STPG2: variants seen among roughly 807,000 people sequenced by gnomAD.
STPG2 encodes the protein sperm-tail PG-rich repeat-containing protein 2.
A neutral mutation model predicts 54.2 loss-of-function variants in STPG2; 56 were observed. The observed-to-expected ratio is 1.03, with a 90% CI of 0.83 to 1.29. The LOEUF (loss-of-function observed/expected upper bound fraction) is 1.29. STPG2 is among the 50% of genes most tolerant of loss of function. STPG2 has a pLI of 0.00. For missense variants in STPG2, 596 were observed against 544.9 expected (o/e 1.09, Z -0.93); for synonymous variants, 200 against 181.8 (o/e 1.10, Z -0.81).
chr4:97,786,859 C>T (rs987792727), intron 9 of STPG2, among the ~76,000 whole-genome samples: 1 of 152,038 alleles, frequency 6.6e-6, no homozygotes, highest in African/African-American at 2.4e-5. Context: ...CATTGCTCTA[C>T]TTTATTATTA....
At chr4:98,065,913 G>C (rs1737819616) in intron 5 of STPG2, among the ~76,000 whole-genome samples, 1 of 152,018 alleles carries the variant, frequency 6.6e-6, no homozygotes, top group African/African-American at 2.4e-5. Context: ...CACCTACCTA[G>C]AGAAGTATAT....
chr4:97,840,284 G>C (rs1020836092), intron 9 of STPG2, among the ~76,000 whole-genome samples: 1 of 151,320 alleles, frequency 6.6e-6, no homozygotes, highest in Non-Finnish European at 1.5e-5. Context: ...AGCATGTTAT[G>C]AGTTCTGTTT....
Position 98,143,117 on chromosome 4 carries a change from C to G in STPG2, c.34G>C (p.Ala12Pro). 1 of 1,613,898 alleles carries G rather than the reference C, an allele frequency of 6.2e-7. No individual in the cohort carries two copies. Among genetic ancestry groups the G allele is most frequent in the Non-Finnish European group, 8.5e-7 (1 of 1,179,922 alleles). Residue 12 changes from alanine to proline, a missense_variant, in exon 1 of 11, where the codon GCT becomes CCT. Coordinates refer to ENST00000295268, the MANE Select transcript of STPG2 (RefSeq NM_174952.3). ...YDRAPRLLKLAEGGSTEAHVG... is the reference protein window; with the variant it reads ...YDRAPRLLKLPEGGSTEAHVG... The stretch of plus-strand genomic sequence containing the variant: ...TGGGCCTCAGTGCTGCCACCTTCAG[C>G]CAATTTGAGCAGGCGGGGAGCCCGA...
chr4:97,680,573 A>G (rs1267118237), intron 10 of STPG2, among the ~76,000 whole-genome samples: 1 of 152,110 alleles, frequency 6.6e-6, no homozygotes, highest in Non-Finnish European at 1.5e-5. Flanking sequence ...TGTCATCTGC[A>G]AACAGGGACA....
At chr4:97,777,054 C>T (rs1482311913) in intron 9 of STPG2, among the ~76,000 whole-genome samples, 2 of 152,090 alleles carry the variant, frequency 1.3e-5, no homozygotes, top group Non-Finnish European at 2.9e-5. Flanking sequence ...CTATTAAGTA[C>T]TATACAAATA....
At chr4:97,945,133 C>A (rs191164266) in intron 7 of STPG2, among the ~76,000 whole-genome samples, 6 of 152,086 alleles carry the variant, frequency 3.9e-5, no homozygotes, top group Admixed American at 3.9e-4. Context: ...GTGGTGAATT[C>A]TTAGATTTTA....
chr4:98,125,654 C>A (rs1385693299), intron 3 of STPG2, among the ~76,000 whole-genome samples: 1 of 152,226 alleles, frequency 6.6e-6, no homozygotes, highest in Admixed American at 6.5e-5. Flanking sequence ...GGAACAAGAT[C>A]AGGGACCTGC....
chr4:97,867,776 G>T (rs1158809940), intron 8 of STPG2, among the ~76,000 whole-genome samples: 1 of 151,934 alleles, frequency 6.6e-6, no homozygotes, highest in Non-Finnish European at 1.5e-5. Context: ...TCTCATGATT[G>T]CCTTATGATA....
intron 7 of STPG2, among the ~76,000 whole-genome samples, chr4:97,947,494 G>A (rs1160676355): frequency 6.6e-6 from 1 of 151,976 alleles, no homozygotes; most frequent in Non-Finnish European, 1.5e-5. Context: ...AGTTCTCAGT[G>A]GGAATGATTT....
At chr4:97,482,974 G>T (rs866479016) in intron 4 of STPG2, among the ~76,000 whole-genome samples, 1 of 151,764 alleles carries the variant, frequency 6.6e-6, no homozygotes, top group Middle Eastern at 3.4e-3. Flanking sequence ...CATATATGAA[G>T]AAAAGATACA....
chr4:97,887,098 C>T (rs1730599749), intron 8 of STPG2, among the ~76,000 whole-genome samples: 1 of 152,130 alleles, frequency 6.6e-6, no homozygotes. Flanking sequence ...TTATAAACTA[C>T]TCAGTTTCAG....
chr4:97,481,756 A>T (rs563293614), intron 4 of STPG2, among the ~76,000 whole-genome samples: 1 of 151,478 alleles, frequency 6.6e-6, no homozygotes, highest in East Asian at 1.9e-4. Flanking sequence ...AGCTTGTTTT[A>T]TTTTTCCACA....
intron 10 of STPG2, among the ~76,000 whole-genome samples, chr4:97,622,636 A>G (rs1734041495): frequency 6.6e-6 from 1 of 152,146 alleles, no homozygotes; most frequent in African/African-American, 2.4e-5. Context: ...TAAATGGAAA[A>G]ACATTCCATG....
chr4:97,827,376 C>G (rs1047250508), intron 9 of STPG2, among the ~76,000 whole-genome samples: 23 of 151,906 alleles, frequency 1.5e-4, no homozygotes, highest in African/African-American at 4.8e-4. Flanking sequence ...GCTGGGACTA[C>G]AGGCGCCCAC....
At chr4:97,572,395 T>G (rs1732622644) in intron 10 of STPG2, among the ~76,000 whole-genome samples, 1 of 152,194 alleles carries the variant, frequency 6.6e-6, no homozygotes, top group African/African-American at 2.4e-5. Flanking sequence ...GTAACTTTTT[T>G]ACATGCAGCA....
At position 98,109,261 on chromosome 4, in the gene STPG2, G is replaced by A. The variant is rs148291764; in HGVS notation, c.432C>T (p.Gly144=). Residue 144 remains glycine, a synonymous_variant, in exon 4 of 11, where the codon GGC becomes GGT. Transcript: ENST00000295268. Reference sequence around the variant, plus strand: ...GTAACTCTTGTCTTCCTGAAGAGTTGCCAAAATGTATACCTTTGTATTTCA... The same window carrying A: ...GTAACTCTTGTCTTCCTGAAGAGTTACCAAAATGTATACCTTTGTATTTCA... ...ATLKYKGIHF[G]NSSGRQELPK... 4 of 1,610,864 alleles carry A rather than the reference G, an allele frequency of 2.5e-6. No homozygotes were observed. In the African/African-American group the frequency reaches 5.3e-5, roughly 22 times the overall value.
At chr4:97,622,751 T>C (rs1025899255) in intron 10 of STPG2, among the ~76,000 whole-genome samples, 2 of 151,982 alleles carry the variant, frequency 1.3e-5, no homozygotes, top group African/African-American at 2.4e-5. Flanking sequence ...GTTTACAGAA[T>C]TTTTTAAAAA....
intron 8 of STPG2, among the ~76,000 whole-genome samples, chr4:97,905,733 T>C (rs1268480512): frequency 2.0e-5 from 3 of 151,938 alleles, no homozygotes; most frequent in African/African-American, 7.3e-5. Context: ...GAGACACACA[T>C]AGGCTCAAAA....
chr4:97,874,332 T>C (rs1029030757), intron 8 of STPG2, among the ~76,000 whole-genome samples: 1 of 151,654 alleles, frequency 6.6e-6, no homozygotes, highest in Non-Finnish European at 1.5e-5. Context: ...ATTTCTCTTA[T>C]CTCCCAAGTA....
Sources: gnomAD v4.1 joint callset for allele counts (sites outside exome capture counted in the v4.1 genomes callset) on GRCh38, gnomAD v4.1.1 for gene constraint, MANE v1.5 for transcripts, NCBI Gene and HGNC (gene_info 2026-07-23, HGNC 2026-07-21) for gene names.